TAMM41: variants seen among roughly 807,000 people sequenced by gnomAD.
TAMM41 encodes phosphatidate cytidylyltransferase, mitochondrial.
A neutral mutation model predicts 44.1 loss-of-function variants in TAMM41; 36 were observed. The observed-to-expected ratio is 0.82, with a 90% CI of 0.63 to 1.08. The LOEUF (loss-of-function observed/expected upper bound fraction) is 1.08, where lower values mean the gene tolerates loss of function less well. TAMM41 is among the 50% of genes least tolerant of loss of function. The pLI is 0.00. For synonymous variants in TAMM41, 164 were observed against 153.1 expected, an observed-to-expected ratio of 1.07 and a Z score of -0.53; for missense variants, 417 against 404.3, an observed-to-expected ratio of 1.03 and a Z score of -0.27.
chr3:11,770,999 G>A, the TAMM41 span, among the ~76,000 whole-genome samples: 1 of 152,008 alleles, frequency 6.6e-6, no homozygotes, highest in Non-Finnish European at 1.5e-5. Context: ...CCGCAGCCCT[G>A]AGGCGGGCAG....
the TAMM41 span, among the ~76,000 whole-genome samples, chr3:11,752,395 A>G: frequency 6.6e-6 from 1 of 151,824 alleles, no homozygotes; most frequent in Non-Finnish European, 1.5e-5. Flanking sequence ...TTATTCCTTT[A>G]TTTGTCCCTG....
At chr3:11,736,392 T>C in the TAMM41 span, among the ~76,000 whole-genome samples, 1 of 152,220 alleles carries the variant, frequency 6.6e-6, no homozygotes, top group Non-Finnish European at 1.5e-5. Flanking sequence ...GCTATAATGA[T>C]AAATACTCTG....
the TAMM41 span, among the ~76,000 whole-genome samples, chr3:11,725,424 T>TTCTTCTTTC: frequency 1.4e-5 from 1 of 71,604 alleles, no homozygotes; most frequent in Non-Finnish European, 2.9e-5. Flanking sequence ...CTTCTTCTTC[T>TTCTTCTTTC]TTCCTCCTCC....
At chr3:11,752,706 C>G in the TAMM41 span, among the ~76,000 whole-genome samples, 21 of 127,918 alleles carry the variant, frequency 1.6e-4, no homozygotes, top group Admixed American at 9.8e-4. Context: ...GCTGTGCAGT[C>G]ATAGCTCACT....
At chr3:11,775,607 T>TA in the TAMM41 span, among the ~76,000 whole-genome samples, 2 of 152,268 alleles carry the variant, frequency 1.3e-5, no homozygotes, top group African/African-American at 4.8e-5. Context: ...ACTGAGCTCC[T>TA]AATGTGAGCT....
chr3:11,807,341 C>G, intron 7 of TAMM41: 1 of 1,460,550 alleles, frequency 6.8e-7, no homozygotes, highest in South Asian at 1.5e-5. Flanking sequence ...GAGTTGACTT[C>G]TAACCTCCCA....
chr3:11,751,307 G>T, the TAMM41 span, among the ~76,000 whole-genome samples: 2 of 152,010 alleles, frequency 1.3e-5, no homozygotes. Context: ...GGCCAGTCTG[G>T]TCTCGAACTC....
At chr3:11,827,637 A>C in intron 4 of TAMM41, among the ~76,000 whole-genome samples, 1 of 101,262 alleles carries the variant, frequency 9.9e-6, no homozygotes, top group South Asian at 3.4e-4. Context: ...AGAAAAGAGG[A>C]AAAAAAAAAA....
At chr3:11,822,564 T>C (rs2078565060) in intron 4 of TAMM41, among the ~76,000 whole-genome samples, 1 of 152,194 alleles carries the variant, frequency 6.6e-6, no homozygotes, top group African/African-American at 2.4e-5. Context: ...TGCTAGACAA[T>C]GGAGATCCAG....
chr3:11,784,783 CTTCTT>C, the TAMM41 span, among the ~76,000 whole-genome samples: 1,199 of 146,976 alleles, frequency 8.2e-3, 18 homozygotes, highest in African/African-American at 0.029. Context: ...AGTGAGAACA[CTTCTT>C]TTCTTTTCTT....
chr3:11,801,587 A>G (rs1023634203), intron 7 of TAMM41, among the ~76,000 whole-genome samples: 33 of 152,098 alleles, frequency 2.2e-4, no homozygotes, highest in African/African-American at 7.7e-4. Context: ...CAGACTCCCA[A>G]AGTGCTGGGA....
Position 11,800,711 on chromosome 3 carries a change from A to G in TAMM41, c.937+7122T>C, listed in dbSNP as rs527638831. 1.7e-4 allele frequency among the ~76,000 whole-genome samples: 26 copies of G among 152,292 alleles called. 1 individual carries two copies. The Middle Eastern group carries it at 0.024, about 139-fold the overall frequency. ...AAAGAAAGAGATAGATAGCAACACA[A>G]TAACAGTGGGGGACTTCGACATTCT... On this transcript the variant is annotated intron_variant, in intron 7 of 7. Transcript: ENST00000455809.
At chr3:11,835,588 C>T (rs2079142046) in intron 3 of TAMM41, among the ~76,000 whole-genome samples, 1 of 152,112 alleles carries the variant, frequency 6.6e-6, no homozygotes, top group South Asian at 2.1e-4. Flanking sequence ...AGCTCATTTC[C>T]AGTGCTTACA....
the TAMM41 span, among the ~76,000 whole-genome samples, chr3:11,769,466 G>A: frequency 6.6e-6 from 1 of 151,672 alleles, no homozygotes; most frequent in Non-Finnish European, 1.5e-5. Context: ...GCAGGCCAAA[G>A]GGTAAATATT....
the TAMM41 span, among the ~76,000 whole-genome samples, chr3:11,750,208 T>C: frequency 6.6e-6 from 1 of 152,116 alleles, no homozygotes; most frequent in South Asian, 2.1e-4. Context: ...GAGTGTCTGT[T>C]TCTAAGAAGG....
At chr3:11,747,881 A>AT in the TAMM41 span, among the ~76,000 whole-genome samples, 272 of 133,440 alleles carry the variant, frequency 2.0e-3, 2 homozygotes, top group African/African-American at 7.2e-3. Flanking sequence ...TTATTTATTT[A>AT]TTTTTTTTTT....
At chr3:11,764,062 G>A in the TAMM41 span, among the ~76,000 whole-genome samples, 1 of 152,108 alleles carries the variant, frequency 6.6e-6, no homozygotes, top group Non-Finnish European at 1.5e-5. Flanking sequence ...GGGGTGAAGT[G>A]GCGTGATCTC....
the TAMM41 span, among the ~76,000 whole-genome samples, chr3:11,729,921 G>C: frequency 6.6e-6 from 1 of 152,128 alleles, no homozygotes; most frequent in Non-Finnish European, 1.5e-5. Flanking sequence ...CTATGAAGAA[G>C]ATTGTCCCAT....
chr3:11,806,173 T>A (rs1418578338), intron 7 of TAMM41, among the ~76,000 whole-genome samples: 1 of 152,222 alleles, frequency 6.6e-6, no homozygotes, highest in Non-Finnish European at 1.5e-5. Flanking sequence ...TATGTCTTTA[T>A]TAGCAGCATG....
Sources: gnomAD v4.1 joint callset for allele counts (sites outside exome capture counted in the v4.1 genomes callset) on GRCh38, gnomAD v4.1.1 for gene constraint, MANE v1.5 for transcripts, NCBI Gene and HGNC (gene_info 2026-07-23, HGNC 2026-07-21) for gene names.